The following CLASP2 variants were observed in gnomAD, a reference collection of about 807,000 sequenced individuals.
The protein encoded by CLASP2 is cytoplasmic linker associated protein 2, also known as CLIP-associating protein 2.
CLASP2 carries 47 observed loss-of-function variants against 194.4 expected under a neutral mutation model. The observed-to-expected ratio is 0.24, with a 90% CI of 0.19 to 0.31. The LOEUF (loss-of-function observed/expected upper bound fraction) is 0.31, where lower values mean the gene tolerates loss of function less well. Among genes scored for constraint, CLASP2 ranks in the 10% least tolerant of loss-of-function variants. The pLI is 1.00. For synonymous variants in CLASP2, 619 were observed against 633.5 expected (o/e 0.98, Z 0.34); for missense variants, 1,445 against 1,823.6 (o/e 0.79, Z 3.78).
At chr3:33,671,844 C>T (rs377124534) in intron 6 of CLASP2, among the ~76,000 whole-genome samples, 56 of 151,826 alleles carry the variant, frequency 3.7e-4, no homozygotes, top group African/African-American at 1.4e-3. Flanking sequence ...TGATTGCTAG[C>T]ACAGCAGTCT....
intron 34 of CLASP2, among the ~76,000 whole-genome samples, chr3:33,529,661 G>A (rs2055638515): frequency 2.6e-5 from 4 of 152,130 alleles, no homozygotes; most frequent in Admixed American, 2.6e-4. Context: ...CAACTTCACT[G>A]TCTTCCACCT....
intron 31 of CLASP2, among the ~76,000 whole-genome samples, chr3:33,543,901 G>A (rs973863800): frequency 3.9e-5 from 6 of 151,986 alleles, no homozygotes; most frequent in African/African-American, 1.4e-4. Context: ...TTTACACCAA[G>A]GGAGTTAAAT....
rs2076804313 is a variant in CLASP2 at position 33,619,676 on chromosome 3, A to T, written c.1244T>A (p.Leu415His). The T allele has an allele frequency of 6.4e-7, 1 of 1,569,938 alleles. No homozygotes were observed. The highest frequency in any genetic ancestry group is 1.9e-5 in the Admixed American group (1 of 53,638). Residue 415 changes from leucine to histidine, a missense_variant, in exon 12 of 39, where the codon CTT (leucine) becomes CAT (histidine). Leu to His is a moderately conservative substitution (Grantham distance 99). Around this residue, in one of 4 missense-constraint regions of CLASP2, gnomAD observed 207 missense variants for 331.4 expected, o/e 0.62. Transcript: ENST00000682230. ...TGCACTATTGGGGACGAGATTAAAA[A>T]GTGTAGGTACAATGGCTTCAGCGCC... Reference protein sequence around the residue: ...DHGAEAIVPTLFNLVPNSAKV... With the variant: ...DHGAEAIVPTHFNLVPNSAKV...
Position 33,718,028 on chromosome 3 carries a change from A to G in CLASP2, c.-26T>C, listed in dbSNP as rs911450081. On this transcript the variant is annotated 5_prime_UTR_variant, in exon 1 of 39. Transcript: ENST00000682230. The stretch of plus-strand genomic sequence containing the variant: ...GGCTGCGGCCGCCCGCCCGCCTGCC[A>G]GTCTGTGAGCGGCCAACTTTCGCCG... 2.1e-6 allele frequency: 3 copies of G among 1,455,586 alleles called. No individual in the cohort carries two copies. Among genetic ancestry groups the G allele is most frequent in the Non-Finnish European group, 1.8e-6 (2 of 1,112,016 alleles). 90.2% of individuals were successfully genotyped at this position (1,455,586 alleles called of 1,614,324 possible).
intron 26 of CLASP2, among the ~76,000 whole-genome samples, chr3:33,570,089 T>C (rs4627713): frequency 0.045 from 6,814 of 152,294 alleles, 245 homozygotes; most frequent in African/African-American, 0.1. Flanking sequence ...AAACAGAATA[T>C]GTGACCACAG....
intron 38 of CLASP2, among the ~76,000 whole-genome samples, chr3:33,499,320 T>C (rs1005391413): frequency 1.3e-5 from 2 of 151,722 alleles, no homozygotes; most frequent in Non-Finnish European, 2.9e-5. Context: ...GTCAATTAAA[T>C]CTCTTTATGA....
chr3:33,700,632 G>T (rs2092310015), intron 1 of CLASP2, among the ~76,000 whole-genome samples: 1 of 151,916 alleles, frequency 6.6e-6, no homozygotes, highest in Admixed American at 6.6e-5. Context: ...GATCACCTGA[G>T]GTCAGGAGTT....
chr3:33,523,961 A>G (rs1456192958), intron 34 of CLASP2, among the ~76,000 whole-genome samples: 1 of 152,218 alleles, frequency 6.6e-6, no homozygotes, highest in Non-Finnish European at 1.5e-5. Context: ...TAAAATATAC[A>G]CTAAAGGAAA....
intron 16 of CLASP2, 115 bp from the exon 17 acceptor site, chr3:33,604,324 T>TC (rs2073178729): frequency 1.4e-6 from 1 of 694,094 alleles, no homozygotes; most frequent in East Asian, 3.4e-5. Context: ...TTTTTTCTTT[T>TC]TTTTTTTTTT....
In CLASP2 at chr3:33,538,057, C is replaced by T. The variant is rs962195696; in HGVS notation, c.3558+732G>A. Among the ~76,000 whole-genome samples the T allele has an allele frequency of 2.0e-5, 3 of 151,950 alleles. No individual in the cohort carries two copies. In the East Asian group the frequency reaches 5.8e-4, roughly 29 times the overall value. ...TCAGGAGGCTGAGGCAGGAGAATGG[C>T]GTGAACCCGGAAGGCAGAGCTTGCA... On this transcript the variant is annotated intron_variant, in intron 33 of 38. Coordinates refer to ENST00000682230, the MANE Select transcript of CLASP2 (RefSeq NM_001365631.1).
At chr3:33,552,283 T>C (rs2060145958) in intron 29 of CLASP2, among the ~76,000 whole-genome samples, 3 of 152,050 alleles carry the variant, frequency 2.0e-5, no homozygotes, top group Admixed American at 2.0e-4. Context: ...TACACCCAGC[T>C]AATTTTTGTG....
chr3:33,641,730 C>T (rs1390844935), intron 8 of CLASP2, among the ~76,000 whole-genome samples: 3 of 151,190 alleles, frequency 2.0e-5, no homozygotes, highest in Admixed American at 1.3e-4. Flanking sequence ...GATTAAGTCA[C>T]GATTCCAAAG....
chr3:33,673,996 A>G (rs2154339531), intron 6 of CLASP2, among the ~76,000 whole-genome samples: 1 of 152,314 alleles, frequency 6.6e-6, no homozygotes, highest in African/African-American at 2.4e-5. Context: ...TAATAATGGG[A>G]GACTTTAACA....
At chr3:33,672,817 C>T (rs910594707) in intron 6 of CLASP2, among the ~76,000 whole-genome samples, 16 of 152,054 alleles carry the variant, frequency 1.1e-4, no homozygotes, top group Middle Eastern at 3.4e-3. Context: ...GGAGCTGATG[C>T]GATCAACTGG....
At chr3:33,684,542 C>A in intron 5 of CLASP2, 86 bp from the exon 6 acceptor site, 1 of 789,784 alleles carries the variant, frequency 1.3e-6, no homozygotes, top group Non-Finnish European at 1.9e-6. Context: ...ACTAACAGAC[C>A]AACTTGAAGC....
In CLASP2 at chr3:33,547,830, T is replaced by A. The variant is rs150832421; in HGVS notation, c.3154-2989A>T. 4.6e-3 allele frequency among the ~76,000 whole-genome samples: 684 copies of A among 149,758 alleles called. 2 individuals are homozygous for A. Among genetic ancestry groups the A allele is most frequent in the Non-Finnish European group, 7.2e-3 (487 of 67,516 alleles). The stretch of plus-strand genomic sequence containing the variant: ...TTGAGATGGGGTGCTGCTCTGTCAC[T>A]CGGGCTGGAGTGCAGTGGTGTAATC... On this transcript the variant is annotated intron_variant, in intron 30 of 38. Coordinates refer to ENST00000682230, the MANE Select transcript of CLASP2 (RefSeq NM_001365631.1).
At chr3:33,679,225 C>A (rs1305166707) in intron 6 of CLASP2, among the ~76,000 whole-genome samples, 1 of 152,096 alleles carries the variant, frequency 6.6e-6, no homozygotes, top group East Asian at 1.9e-4. Flanking sequence ...ACATCCTTCC[C>A]AAAAATTAAT....
At chr3:33,648,433 A>G (rs917561752) in intron 7 of CLASP2, among the ~76,000 whole-genome samples, 2 of 152,212 alleles carry the variant, frequency 1.3e-5, no homozygotes, top group Admixed American at 6.5e-5. Flanking sequence ...ATTCCACGGG[A>G]AAAAAATCAG....
At chr3:33,669,231 T>C (rs1311094601) in intron 6 of CLASP2, among the ~76,000 whole-genome samples, 2 of 152,212 alleles carry the variant, frequency 1.3e-5, no homozygotes, top group African/African-American at 4.8e-5. Context: ...AAAAAATTTT[T>C]ACCTGAAGTC....
Sources: gnomAD v4.1 joint callset for allele counts (sites outside exome capture counted in the v4.1 genomes callset) on GRCh38, gnomAD v4.1.1 for gene constraint, gnomAD v4.1.1 regional missense constraint, MANE v1.5 for transcripts, NCBI Gene and HGNC (gene_info 2026-07-23, HGNC 2026-07-21) for gene names.